BCAR3: variants seen among roughly 807,000 people sequenced by gnomAD.
BCAR3 encodes the protein BCAR3 adaptor protein, NSP family member.
Under a neutral mutation model 80.1 loss-of-function variants are expected in BCAR3, and 37 were observed. That is an observed-to-expected ratio of 0.46 (90% CI 0.36 to 0.61). The LOEUF (loss-of-function observed/expected upper bound fraction) is 0.61, where lower values mean the gene tolerates loss of function less well. Ranked by LOEUF, BCAR3 falls within the 20% of genes least tolerant of loss-of-function variation. The probability of loss-of-function intolerance (pLI) is 0.00; values close to 1 mark genes in which losing one functional copy is unlikely to be tolerated. For synonymous variants in BCAR3, 389 were observed against 418.9 expected (o/e 0.93, Z 0.87); for missense variants, 978 against 1,068.2 (o/e 0.92, Z 1.18).
intron 2 of BCAR3, among the ~76,000 whole-genome samples, chr1:93,801,328 C>T (rs11808807): frequency 0.14 from 21,517 of 152,102 alleles, 2,478 homozygotes; most frequent in African/African-American, 0.31. Context: ...GCCAATTTAT[C>T]GCAAGTTTCA....
intron 1 of BCAR3, among the ~76,000 whole-genome samples, chr1:93,676,557 G>A (rs1648498417): frequency 6.6e-6 from 1 of 152,180 alleles, no homozygotes; most frequent in South Asian, 2.1e-4. Flanking sequence ...AGAACAATAG[G>A]ACAGAGTCCT....
intron 2 of BCAR3, among the ~76,000 whole-genome samples, chr1:93,643,741 A>C (rs766041263): frequency 6.6e-6 from 1 of 152,060 alleles, no homozygotes; most frequent in African/African-American, 2.4e-5. Flanking sequence ...AGGTAATACA[A>C]TTGTACTGTA....
chr1:93,595,803 T>C (rs138008635), intron 3 of BCAR3, among the ~76,000 whole-genome samples: 123 of 152,356 alleles, frequency 8.1e-4, no homozygotes, highest in African/African-American at 2.9e-3. Context: ...TCTGTGCTTC[T>C]TGGGGACCAG....
Position 93,842,005 on chromosome 1 carries a change from T to C in BCAR3, c.-63+3562A>G, listed in dbSNP as rs375224677. Among the ~76,000 whole-genome samples the C allele has an allele frequency of 2.0e-4, 31 of 152,296 alleles. No homozygotes were observed. The East Asian group carries it at 5.2e-3, about 26-fold the overall frequency. ...GTACGCAAGTCAGTCCTAGGTTAGA[T>C]AGCCCATTTCAAATGCAGCCTCCCT... On this transcript the variant is annotated intron_variant, in intron 2 of 13. Coordinates refer to the BCAR3 transcript ENST00000370244.
intron 3 of BCAR3, among the ~76,000 whole-genome samples, chr1:93,690,005 T>C (rs903079820): frequency 1.3e-5 from 2 of 152,228 alleles, no homozygotes; most frequent in African/African-American, 4.8e-5. Flanking sequence ...GGCAGCATCA[T>C]TTACAGATAA....
Position 93,840,059 on chromosome 1 carries a change from AG to A in BCAR3, c.-63+5507del, listed in dbSNP as rs576766834. Among the ~76,000 whole-genome samples, 148 of 152,168 alleles carry A rather than the reference AG, an allele frequency of 9.7e-4. 1 individual carries two copies. Among genetic ancestry groups the A allele is most frequent in the African/African-American group, 3.4e-3 (142 of 41,510 alleles). On this transcript the variant is annotated intron_variant, in intron 2 of 13. Transcript: ENST00000370244. The stretch of plus-strand genomic sequence containing the variant: ...GGCTACATATGAGAATCACCTAGGG[AG>A]TTTAAAAAAAATGCTGATGCCAGGG...
At chr1:93,576,165 G>C (rs1673449039) in intron 7 of BCAR3, 36 bp from the exon 8 acceptor site, 1 of 1,535,550 alleles carries the variant, frequency 6.5e-7, no homozygotes, top group Admixed American at 1.7e-5. Flanking sequence ...ACTGGATCAG[G>C]AAGTGGGCTT....
chr1:93,632,931 A>T (rs1211028908), intron 3 of BCAR3, among the ~76,000 whole-genome samples: 1 of 152,098 alleles, frequency 6.6e-6, no homozygotes, highest in Admixed American at 6.5e-5. Flanking sequence ...AGGCAGGAGA[A>T]TTGCTTGAAC....
chr1:93,678,723 A>G (rs1648611157), intron 1 of BCAR3, among the ~76,000 whole-genome samples: 1 of 152,176 alleles, frequency 6.6e-6, no homozygotes, highest in Non-Finnish European at 1.5e-5. Flanking sequence ...GCTACTTTAC[A>G]TTAGGGTGGA....
At chr1:93,642,401 G>A in intron 2 of BCAR3, 58 bp from the exon 3 acceptor site, 4 of 1,475,012 alleles carry the variant, frequency 2.7e-6, no homozygotes, top group Non-Finnish European at 3.8e-6. Flanking sequence ...CTTACATTGA[G>A]TATAATGTGT....
intron 1 of BCAR3, among the ~76,000 whole-genome samples, chr1:93,680,000 C>T (rs1480030404): frequency 6.6e-6 from 1 of 152,204 alleles, no homozygotes; most frequent in Non-Finnish European, 1.5e-5. Flanking sequence ...TTTATAACTT[C>T]TCTGGAGAGT....
chr1:93,778,685 C>T (rs1571121101), intron 2 of BCAR3, among the ~76,000 whole-genome samples: 1 of 152,306 alleles, frequency 6.6e-6, no homozygotes. Flanking sequence ...GCTCCTCCAA[C>T]AAGACCCACT....
At chr1:93,763,860 C>T (rs1250871420) in intron 2 of BCAR3, among the ~76,000 whole-genome samples, 1 of 152,206 alleles carries the variant, frequency 6.6e-6, no homozygotes, top group Non-Finnish European at 1.5e-5. Context: ...TATGATGTCA[C>T]TGAATGCAGA....
intron 1 of BCAR3, 150 bp downstream of exon 1, chr1:93,681,448 G>A (rs1224729292): frequency 6.6e-6 from 1 of 152,264 alleles, no homozygotes; most frequent in African/African-American, 2.4e-5. Context: ...GGCGGGGGTG[G>A]GTAGGGACCA....
At chr1:93,668,702 CTT>C (rs113398047) in intron 2 of BCAR3, among the ~76,000 whole-genome samples, 22 of 144,064 alleles carry the variant, frequency 1.5e-4, no homozygotes, top group African/African-American at 3.6e-4. Context: ...CTAATAAAAG[CTT>C]TTTTTTTTTT....
At chr1:93,627,125 T>C (rs1001008138) in intron 3 of BCAR3, among the ~76,000 whole-genome samples, 3 of 152,248 alleles carry the variant, frequency 2.0e-5, no homozygotes, top group Non-Finnish European at 4.4e-5. Flanking sequence ...ACTTTAATGA[T>C]TTTTCTGATG....
Position 93,582,958 on chromosome 1 carries a change from G to T in BCAR3, c.1034-5C>A. 1.9e-6 allele frequency: 3 copies of T among 1,577,536 alleles called. No homozygotes were observed. The highest frequency in any genetic ancestry group is 2.6e-6 in the Non-Finnish European group (3 of 1,166,086). On this transcript the variant is annotated splice_region_variant and splice_polypyrimidine_tract_variant and intron_variant, in intron 6 of 11. Coordinates refer to ENST00000260502, the MANE Select transcript of BCAR3 (RefSeq NM_003567.4). ...ACTGAGGTGGCAGCTTGCAGCCTGT[G>T]GGGGATAAGAAAAGGTCAGAGAAAG...
intron 2 of BCAR3, among the ~76,000 whole-genome samples, chr1:93,819,172 T>C (rs1654118777): frequency 6.6e-6 from 1 of 152,000 alleles, no homozygotes; most frequent in African/African-American, 2.4e-5. Context: ...GTTCAAGCCA[T>C]TCTCCCGCCT....
intron 4 of BCAR3, among the ~76,000 whole-genome samples, chr1:93,589,845 G>A (rs1674099281): frequency 6.6e-6 from 1 of 152,222 alleles, no homozygotes; most frequent in Admixed American, 6.5e-5. Flanking sequence ...GGTGGTTGGG[G>A]AGGTGTCACA....
Sources: allele counts gnomAD v4.1 joint callset (sites outside exome capture counted in the v4.1 genomes callset), GRCh38; gene constraint gnomAD v4.1.1; transcripts MANE v1.5; gene names NCBI Gene and HGNC (gene_info 2026-07-23, HGNC 2026-07-21).